The following SLF1 variants were observed in gnomAD, a reference collection of about 807,000 sequenced individuals.
SLF1 encodes SMC5-SMC6 complex localization factor protein 1.
A neutral mutation model predicts 123.0 loss-of-function variants in SLF1; 105 were observed. That is an observed-to-expected ratio of 0.85 (90% CI 0.73 to 1.00). The LOEUF (loss-of-function observed/expected upper bound fraction) is 1.00. Ranked by LOEUF, SLF1 falls within the 50% of genes least tolerant of loss-of-function variation. SLF1 has a pLI of 0.00. For synonymous variants in SLF1, 434 were observed against 406.6 expected, an observed-to-expected ratio of 1.07 and a Z score of -0.81; for missense variants, 1,239 against 1,223.0, an observed-to-expected ratio of 1.01 and a Z score of -0.20.
At chr5:94,619,046 A>G (rs1040770336) in intron 1 of SLF1, among the ~76,000 whole-genome samples, 1 of 152,034 alleles carries the variant, frequency 6.6e-6, no homozygotes, top group Non-Finnish European at 1.5e-5. Context: ...GCCCCTCTGC[A>G]GTACTGGGCT....
At chr5:94,621,694 G>T (rs1334004390) in intron 1 of SLF1, among the ~76,000 whole-genome samples, 1 of 152,068 alleles carries the variant, frequency 6.6e-6, no homozygotes, top group African/African-American at 2.4e-5. Context: ...GGACATCTCC[G>T]TATGTCCTCC....
intron 4 of SLF1, among the ~76,000 whole-genome samples, chr5:94,639,003 G>A (rs956633384): frequency 3.5e-5 from 4 of 113,768 alleles, no homozygotes; most frequent in African/African-American, 1.3e-4. Context: ...GTATCTTGCT[G>A]TTTATTTTTT....
chr5:94,649,483 A>G lies in SLF1; in HGVS notation c.624A>G (p.Gln208=). ...AAATTCAGAATGATGAAGATTCCCA[A>G]ACCAATTCTGTTTGGACTGAACATA... ...EKEIQNDEDS[Q]TNSVWTEHSN... is the part of the protein sequence containing the mutation. Residue 208 remains glutamine, a synonymous_variant, in exon 6 of 21, where the codon CAA becomes CAG. Transcript: ENST00000265140. 6.6e-7 allele frequency: 1 copy of G among 1,514,626 alleles called. No homozygotes were observed. Among genetic ancestry groups the G allele is most frequent in the Non-Finnish European group, 8.9e-7 (1 of 1,122,452 alleles). 93.8% of individuals were successfully genotyped at this position (1,514,626 alleles called of 1,614,324 possible). A position where few individuals can be genotyped will look rare whatever the true frequency, so the allele number is the denominator to read the frequency against.
chr5:94,690,838 C>T (rs1752983072), intron 18 of SLF1, among the ~76,000 whole-genome samples: 1 of 151,684 alleles, frequency 6.6e-6, no homozygotes, highest in South Asian at 2.1e-4. Flanking sequence ...AATTGCGTCT[C>T]TCCTAGAAAA....
intron 4 of SLF1, among the ~76,000 whole-genome samples, chr5:94,639,260 G>C (rs189081937): frequency 6.6e-6 from 1 of 151,900 alleles, no homozygotes; most frequent in Admixed American, 6.6e-5. Context: ...GGCTGGTCTC[G>C]AACTTCTGAC....
At chr5:94,650,727 T>G (rs1012040502) in intron 6 of SLF1, among the ~76,000 whole-genome samples, 7 of 152,270 alleles carry the variant, frequency 4.6e-5, no homozygotes, top group African/African-American at 1.7e-4. Flanking sequence ...ACTTTTCCAG[T>G]GTATATTTAT....
In SLF1 at chr5:94,695,428, G is replaced by A; in HGVS notation, c.*116G>A. 8.1e-7 allele frequency: 1 copy of A among 1,238,442 alleles called. No individual in the cohort carries two copies. Among genetic ancestry groups the A allele is most frequent in the Non-Finnish European group, 1.1e-6 (1 of 947,322 alleles). 76.7% of individuals were successfully genotyped at this position (1,238,442 alleles called of 1,614,324 possible). On this transcript the variant is annotated 3_prime_UTR_variant, in exon 21 of 21. Transcript: ENST00000265140. ...TTTGATTTATTTATTGACAGACTTT[G>A]CAGCCTTGCTAAATTTTAAAAGCAT...
chr5:94,649,360 CA>C, intron 5 of SLF1, 93 bp from the exon 6 acceptor site: 1 of 1,055,268 alleles, frequency 9.5e-7, no homozygotes. Flanking sequence ...GTTTGACTAA[CA>C]AAGTATTATA....
chr5:94,693,124 A>G (rs1023390129), intron 20 of SLF1, among the ~76,000 whole-genome samples: 7 of 152,092 alleles, frequency 4.6e-5, no homozygotes, highest in Admixed American at 3.9e-4. Flanking sequence ...ATAAAGACAA[A>G]AAGCGTATTT....
chr5:94,652,529 A>T (rs1279010792), intron 7 of SLF1, among the ~76,000 whole-genome samples: 1 of 152,074 alleles, frequency 6.6e-6, no homozygotes, highest in Admixed American at 6.5e-5. Context: ...TTATTGTTTG[A>T]CTATGCCACA....
At chr5:94,669,903 A>C (rs1185850880) in intron 12 of SLF1, among the ~76,000 whole-genome samples, 1 of 152,022 alleles carries the variant, frequency 6.6e-6, no homozygotes, top group African/African-American at 2.4e-5. Flanking sequence ...CCTGCTAGTC[A>C]TTAAATATTA....
chr5:94,686,774 C>T lies in SLF1; in HGVS notation c.2121+56C>T, dbSNP rs562293943. 2.2e-5 allele frequency: 33 copies of T among 1,510,836 alleles called. No individual in the cohort carries two copies. In the East Asian group the frequency reaches 7.6e-4, roughly 35 times the overall value. The allele number at this position is 1,510,836 out of a possible 1,614,324, so 93.6% of individuals were successfully genotyped here. Reference sequence around the variant, plus strand: ...TTTTCAAGAAGTGAGTTCACAAACTCAATTTTATTTATTTAGTTATTTATT... The same window carrying T: ...TTTTCAAGAAGTGAGTTCACAAACTTAATTTTATTTATTTAGTTATTTATT... On this transcript the variant is annotated intron_variant, in intron 16 of 20. Transcript: ENST00000265140.
At chr5:94,641,609 A>G (rs1475975871) in intron 4 of SLF1, among the ~76,000 whole-genome samples, 1 of 152,110 alleles carries the variant, frequency 6.6e-6, no homozygotes, top group African/African-American at 2.4e-5. Context: ...TCTCATCACT[A>G]TTCTTGCTCT....
intron 20 of SLF1, among the ~76,000 whole-genome samples, 196 bp downstream of exon 20, chr5:94,692,452 G>A (rs1156979297): frequency 6.6e-6 from 1 of 152,092 alleles, no homozygotes; most frequent in African/African-American, 2.4e-5. Flanking sequence ...TTTTCATAAT[G>A]TATATTTGTT....
Position 94,695,363 on chromosome 5 carries a change from G to A in SLF1, c.*51G>A. The A allele has an allele frequency of 2.6e-6, 4 of 1,531,054 alleles. No homozygotes were observed. The highest frequency in any genetic ancestry group is 3.5e-6 in the Non-Finnish European group (4 of 1,139,406). 94.8% of individuals were successfully genotyped at this position (1,531,054 alleles called of 1,614,324 possible). A position where few individuals can be genotyped will look rare whatever the true frequency, so the allele number is the denominator to read the frequency against. The stretch of plus-strand genomic sequence containing the variant: ...TTCTAAATCTGTTCAGTTTGCATTG[G>A]TACTTACTGTGGACTTCATAGCTTA... On this transcript the variant is annotated 3_prime_UTR_variant, in exon 21 of 21. Coordinates refer to ENST00000265140, the MANE Select transcript of SLF1 (RefSeq NM_032290.4).
chr5:94,694,971 C>T lies in SLF1; in HGVS notation c.2836C>T (p.His946Tyr). The change falls in exon 21 of 21, where the codon CAT (histidine) becomes TAT (tyrosine). Residue 946 changes from histidine to tyrosine, a missense_variant. Transcript: ENST00000265140. ...GAACTTTCATGCACAAGCAGAGAAA[C>T]ATTTTCATTACCAGCAACTTGAATT... ...VENFHAQAEK[H>Y]FHYQQLEFGS... 6.2e-7 allele frequency: 1 copy of T among 1,612,646 alleles called. No individual in the cohort carries two copies. Among genetic ancestry groups the T allele is most frequent in the Non-Finnish European group, 8.5e-7 (1 of 1,179,124 alleles).
chr5:94,628,493 C>T (rs1463147884), intron 1 of SLF1, among the ~76,000 whole-genome samples: 1 of 152,180 alleles, frequency 6.6e-6, no homozygotes, highest in Admixed American at 6.5e-5. Context: ...ATTTGTATAA[C>T]ATTCTATCAT....
In SLF1 at chr5:94,694,829, A is replaced by G; in HGVS notation, c.2696-2A>G. 1 of 1,540,332 alleles carries G rather than the reference A, an allele frequency of 6.5e-7. No individual in the cohort carries two copies. The highest frequency in any genetic ancestry group is 8.7e-7 in the Non-Finnish European group (1 of 1,147,322). ...GCAACATTTTGCATTTTCTTTTCAC[A>G]GGCCCAGTGCTTTTACAACAGAGGA... On this transcript the variant is annotated splice_acceptor_variant, in intron 20 of 20. Transcript: ENST00000265140. LOFTEE classifies it high-confidence loss of function.
chr5:94,618,942 T>A (rs1791303406), intron 1 of SLF1, among the ~76,000 whole-genome samples, 177 bp downstream of exon 1: 2 of 152,096 alleles, frequency 1.3e-5, no homozygotes, highest in South Asian at 4.1e-4. Flanking sequence ...TCGTTCCAGC[T>A]CTCCCGACTT....
Sources: allele counts gnomAD v4.1 joint callset (sites outside exome capture counted in the v4.1 genomes callset), GRCh38; gene constraint gnomAD v4.1.1; transcripts MANE v1.5; gene names NCBI Gene and HGNC (gene_info 2026-07-23, HGNC 2026-07-21).